The following PFKFB3 variants were observed in gnomAD, a reference collection of about 807,000 sequenced individuals.
PFKFB3 encodes the protein 6-phosphofructo-2-kinase/fructose-2,6-bisphosphatase 3.
PFKFB3 carries 33 observed loss-of-function variants against 68.0 expected under a neutral mutation model. The ratio of observed to expected loss-of-function variants is 0.49; its 90% CI spans 0.37 to 0.65. PFKFB3 has a LOEUF of 0.65. Ranked by LOEUF, PFKFB3 falls within the 30% of genes least tolerant of loss-of-function variation. The pLI, the probability that PFKFB3 is intolerant of heterozygous loss-of-function variation, is 0.00. For missense variants in PFKFB3, 586 were observed against 712.2 expected (o/e 0.82, Z 2.02); for synonymous variants, 315 against 288.2 (o/e 1.09, Z -0.94).
chr10:6,200,708 A>C, upstream of PFKFB3, among the ~76,000 whole-genome samples: 1 of 141,110 alleles, frequency 7.1e-6, no homozygotes, highest in Non-Finnish European at 1.5e-5. Flanking sequence ...GATTGAGTTA[A>C]CTTCCTTTTG....
intron 6 of PFKFB3, among the ~76,000 whole-genome samples, chr10:6,218,996 G>A (rs78420726): frequency 9.2e-5 from 14 of 152,218 alleles, no homozygotes; most frequent in Non-Finnish European, 1.9e-4. Context: ...TGCCACTGTG[G>A]GTGTTGGTAG....
intron 14 of PFKFB3, among the ~76,000 whole-genome samples, chr10:6,244,048 T>G (rs1474505704): frequency 6.6e-6 from 1 of 152,136 alleles, no homozygotes; most frequent in Non-Finnish European, 1.5e-5. Flanking sequence ...TTTGTAGAAA[T>G]GGGGCCTCAC....
Position 6,203,341 on chromosome 10 carries a change from G to C in PFKFB3, c.76+5G>C. 1 of 1,600,124 alleles carries C rather than the reference G, an allele frequency of 6.2e-7. No individual in the cohort carries two copies. Among genetic ancestry groups the C allele is most frequent in the Non-Finnish European group, 8.5e-7 (1 of 1,173,736 alleles). On this transcript the variant is annotated splice_donor_5th_base_variant and intron_variant, in intron 1 of 14. Transcript: ENST00000379775. ...ACAGGCCCTCGTTGCCCAGATGTGA[G>C]TGCAGCTGCGCGGAGCCGGGTTGCA...
At chr10:6,224,361 C>T in intron 13 of PFKFB3, 148 bp downstream of exon 13, 1 of 687,036 alleles carries the variant, frequency 1.5e-6, no homozygotes, top group South Asian at 1.7e-5. Flanking sequence ...CTCAGCACCT[C>T]TTTGTTCCTG....
chr10:6,305,004 A>ATTTT, the PFKFB3 span, among the ~76,000 whole-genome samples: 3 of 26,884 alleles, frequency 1.1e-4, no homozygotes, highest in African/African-American at 2.8e-4. Context: ...AAATATTAGG[A>ATTTT]ATTTTTTTTT....
In PFKFB3 at chr10:6,215,280, T is replaced by G; in HGVS notation, c.262T>G (p.Phe88Val). 1.2e-6 allele frequency: 2 copies of G among 1,613,960 alleles called. No homozygotes were observed. The highest frequency in any genetic ancestry group is 1.7e-6 in the Non-Finnish European group (2 of 1,180,000). ...GAAGCAGTACAGCTCCTACAACTTC[T>G]TCCGCCCCGACAATGAGGAAGCCAT... ...AVKQYSSYNFFRPDNEEAMKV... is the reference protein window; with the variant it reads ...AVKQYSSYNFVRPDNEEAMKV... Residue 88 changes from phenylalanine to valine, a missense_variant, in exon 3 of 15, where the codon TTC becomes GTC. Phe to Val is a conservative substitution (Grantham distance 50). Coordinates refer to ENST00000379775, the MANE Select transcript of PFKFB3 (RefSeq NM_004566.4). This position sits in a 1 kb window ranked among gnomAD's most constrained non-coding sequence, Gnocchi z 4.3.
the PFKFB3 span, among the ~76,000 whole-genome samples, chr10:6,282,450 A>C: frequency 5.9e-5 from 9 of 152,182 alleles, no homozygotes; most frequent in Non-Finnish European, 1.2e-4. Context: ...TTTTAAAATT[A>C]CTATTCTGAT....
At chr10:6,182,425 G>T (rs578089406) in intron 1 of PFKFB3, among the ~76,000 whole-genome samples, 1 of 152,296 alleles carries the variant, frequency 6.6e-6, no homozygotes, top group South Asian at 2.1e-4. Flanking sequence ...GGCTGGGAAG[G>T]AAGCGGTCCT....
intron 6 of PFKFB3, among the ~76,000 whole-genome samples, chr10:6,218,944 A>C (rs573094034): frequency 6.6e-6 from 1 of 152,322 alleles, no homozygotes; most frequent in African/African-American, 2.4e-5. Flanking sequence ...GGCATTCAGA[A>C]ATGCTGAGTT....
At chr10:6,177,438 C>CCCTTTCTT (rs1554842947) in intron 1 of PFKFB3, among the ~76,000 whole-genome samples, 25 of 86,630 alleles carry the variant, frequency 2.9e-4, no homozygotes, top group Admixed American at 4.4e-4. Flanking sequence ...TCTTTTCTTT[C>CCCTTTCTT]TCTTTCTTTC....
the PFKFB3 span, among the ~76,000 whole-genome samples, chr10:6,277,320 G>A: frequency 8.6e-5 from 13 of 151,446 alleles, no homozygotes; most frequent in East Asian, 1.9e-4. Flanking sequence ...TGCAACCTCC[G>A]CCTCCTGGGT....
intron 1 of PFKFB3, chr10:6,197,506 C>G (rs1323680721): frequency 2.6e-5 from 4 of 152,178 alleles, no homozygotes; most frequent in Non-Finnish European, 5.9e-5. Flanking sequence ...AGAACATATC[C>G]CCATCATTAG....
the PFKFB3 span, among the ~76,000 whole-genome samples, chr10:6,325,510 A>G: frequency 6.6e-6 from 1 of 152,186 alleles, no homozygotes; most frequent in Non-Finnish European, 1.5e-5. Context: ...AATATTTATC[A>G]ATTTAAAGTC....
the PFKFB3 span, among the ~76,000 whole-genome samples, chr10:6,325,498 T>C: frequency 6.6e-6 from 1 of 152,158 alleles, no homozygotes; most frequent in Non-Finnish European, 1.5e-5. Context: ...TCACACACAA[T>C]GAATATTTAT....
chr10:6,174,840 C>A (rs1295176052), intron 1 of PFKFB3, among the ~76,000 whole-genome samples: 1 of 148,254 alleles, frequency 6.7e-6, no homozygotes, highest in Admixed American at 6.7e-5. Context: ...TTTTTTAATA[C>A]GGAGTCTCAC....
At chr10:6,230,996 G>GCA (rs1845702885) in intron 14 of PFKFB3, among the ~76,000 whole-genome samples, 5 of 152,196 alleles carry the variant, frequency 3.3e-5, no homozygotes, top group African/African-American at 1.2e-4. Context: ...GATTACAGAT[G>GCA]TGAGCCACCA....
chr10:6,319,977 T>C, the PFKFB3 span, among the ~76,000 whole-genome samples: 4 of 152,092 alleles, frequency 2.6e-5, no homozygotes, highest in Non-Finnish European at 5.9e-5. Flanking sequence ...GGCAGGAGGA[T>C]CACTTGAGCC....
downstream of PFKFB3, among the ~76,000 whole-genome samples, chr10:6,239,755 C>A (rs902750652): frequency 6.6e-6 from 1 of 152,106 alleles, no homozygotes; most frequent in Non-Finnish European, 1.5e-5. Context: ...TTCACTGCAG[C>A]CTTGAACTCC....
At chr10:6,184,838 G>A (rs909649524) in intron 1 of PFKFB3, among the ~76,000 whole-genome samples, 2 of 149,722 alleles carry the variant, frequency 1.3e-5, no homozygotes, top group African/African-American at 4.9e-5. Flanking sequence ...AAACTCCTGG[G>A]CTCAAGTGAT....
Sources: allele counts gnomAD v4.1 joint callset (sites outside exome capture counted in the v4.1 genomes callset), GRCh38; gene constraint gnomAD v4.1.1; non-coding constraint Gnocchi (gnomAD v3.1); transcripts MANE v1.5; gene names NCBI Gene and HGNC (gene_info 2026-07-23, HGNC 2026-07-21).